FGL1: variants seen among roughly 807,000 people sequenced by gnomAD.
The protein encoded by FGL1 is fibrinogen like 1.
A neutral mutation model predicts 43.7 loss-of-function variants in FGL1; 59 were observed. The observed-to-expected ratio is 1.35, with a 90% CI of 1.10 to 1.68. The LOEUF (loss-of-function observed/expected upper bound fraction) is 1.68. Among genes scored for constraint, FGL1 ranks in the 40% most tolerant of loss-of-function variants. The pLI is 0.00. For synonymous variants in FGL1, 192 were observed against 126.5 expected (o/e 1.52, Z -3.48); for missense variants, 596 against 373.0 (o/e 1.60, Z -4.92).
chr8:17,891,081 A>C (rs560985883), intron 1 of FGL1, among the ~76,000 whole-genome samples: 1 of 152,168 alleles, frequency 6.6e-6, no homozygotes, highest in Non-Finnish European at 1.5e-5. Flanking sequence ...TTTATTGTCT[A>C]CCTACTCCAA....
intron 1 of FGL1, among the ~76,000 whole-genome samples, chr8:17,894,210 G>C (rs2053745294): frequency 6.8e-6 from 1 of 147,054 alleles, no homozygotes; most frequent in Admixed American, 6.7e-5. Context: ...TATGTTTTAA[G>C]CAAGCATTGT....
chr8:17,870,478 G>A (rs906868036), intron 5 of FGL1, among the ~76,000 whole-genome samples: 2 of 152,114 alleles, frequency 1.3e-5, no homozygotes, highest in African/African-American at 2.4e-5. Flanking sequence ...AGAATTTAGA[G>A]CCTCACTTTC....
chr8:17,882,337 C>T (rs374268085), intron 2 of FGL1, 158 bp from the exon 3 acceptor site: 6 of 567,886 alleles, frequency 1.1e-5, no homozygotes, highest in South Asian at 8.7e-5. Context: ...TCTAATACTG[C>T]CTACTATTTG....
intron 7 of FGL1, 80 bp downstream of exon 7, chr8:17,868,468 A>G: frequency 2.9e-6 from 3 of 1,035,802 alleles, no homozygotes; most frequent in East Asian, 2.6e-5. Flanking sequence ...TAACATTACC[A>G]TACATATTAT....
chr8:17,890,253 T>G (rs1265115429), intron 1 of FGL1, among the ~76,000 whole-genome samples: 2 of 152,220 alleles, frequency 1.3e-5, no homozygotes, highest in African/African-American at 4.8e-5. Flanking sequence ...TTCCAAACAA[T>G]TTTTTAGAAT....
At chr8:17,875,703 C>G (rs2053446624) in intron 3 of FGL1, among the ~76,000 whole-genome samples, 2 of 151,946 alleles carry the variant, frequency 1.3e-5, no homozygotes. Context: ...CTCCCGGGTT[C>G]AAGCGATTCT....
intron 5 of FGL1, among the ~76,000 whole-genome samples, chr8:17,872,861 G>A (rs1015710547): frequency 6.6e-6 from 1 of 152,200 alleles, no homozygotes; most frequent in African/African-American, 2.4e-5. Context: ...GAGACATCCA[G>A]ATGTCTGCTA....
chr8:17,864,578 C>T lies in FGL1; in HGVS notation c.*14G>A, dbSNP rs113320643. ...CAAAGCTGAATTGCAGAAACGAAAG[C>T]CCAACAGCAGCAATTAAATTACATT... On this transcript the variant is annotated 3_prime_UTR_variant, in exon 8 of 8. Transcript: ENST00000427924. The T allele has an allele frequency of 3.5e-3, 5,566 of 1,599,380 alleles. 15 individuals carry two copies. The highest frequency in any genetic ancestry group is 3.8e-3 in the Non-Finnish European group (4,427 of 1,175,206).
chr8:17,887,932 C>A (rs759469800), intron 1 of FGL1, among the ~76,000 whole-genome samples: 4 of 151,802 alleles, frequency 2.6e-5, no homozygotes, highest in Non-Finnish European at 5.9e-5. Context: ...AGAACTCTGG[C>A]ATTTCACTCT....
In FGL1 at chr8:17,869,019, A is replaced by T; in HGVS notation, c.503-15T>A. On this transcript the variant is annotated splice_polypyrimidine_tract_variant and intron_variant, in intron 5 of 7. Transcript: ENST00000427924. ...AGTGTAGTCTTCTAAAAAAGAAACA[A>T]GCAATTATAATTTTTAAAAATGTGT... 6.5e-7 allele frequency: 1 copy of T among 1,531,616 alleles called. No individual in the cohort carries two copies. The highest frequency in any genetic ancestry group is 1.2e-5 in the South Asian group (1 of 84,018). 94.9% of individuals were successfully genotyped at this position (1,531,616 alleles called of 1,614,324 possible).
Position 17,864,699 on chromosome 8 carries a change from T to C in FGL1, c.832A>G (p.Lys278Glu). 6.2e-7 allele frequency: 1 copy of C among 1,613,448 alleles called. No homozygotes were observed. The highest frequency in any genetic ancestry group is 1.7e-5 in the Admixed American group (1 of 59,730). Reference sequence around the variant, plus strand: ...TACCAGACAATCCCATTGTCTGTTTTAGCCGTGTAGGGGCCGCTGTAGTAT... The same window carrying C: ...TACCAGACAATCCCATTGTCTGTTTCAGCCGTGTAGGGGCCGCTGTAGTAT... ...GVYYSGPYTAKTDNGIVWYTW... is the reference protein window; with the variant it reads ...GVYYSGPYTAETDNGIVWYTW... The change falls in exon 8 of 8, where the codon AAA becomes GAA. Residue 278 changes from lysine to glutamate, a missense_variant. Physicochemically the swap from Lys to Glu is moderately conservative, Grantham distance 56 (BLOSUM62 1). Transcript: ENST00000427924.
At chr8:17,867,160 C>A (rs1205224126) in intron 7 of FGL1, among the ~76,000 whole-genome samples, 2 of 152,116 alleles carry the variant, frequency 1.3e-5, no homozygotes, top group Non-Finnish European at 2.9e-5. Context: ...GTTCTAAGAC[C>A]CCTAGTGGAT....
At chr8:17,884,947 A>G (rs964140889) in intron 2 of FGL1, among the ~76,000 whole-genome samples, 1 of 152,170 alleles carries the variant, frequency 6.6e-6, no homozygotes, top group African/African-American at 2.4e-5. Context: ...TACTATGGAC[A>G]GTTTCAAATT....
At chr8:17,887,816 C>T (rs1226178414) in intron 1 of FGL1, among the ~76,000 whole-genome samples, 1 of 142,098 alleles carries the variant, frequency 7.0e-6, no homozygotes, top group Non-Finnish European at 1.5e-5. Context: ...GCCCAGGTGA[C>T]AGTGCGAGAC....
chr8:17,870,933 C>T (rs1006820965), intron 5 of FGL1, among the ~76,000 whole-genome samples: 2 of 138,620 alleles, frequency 1.4e-5, no homozygotes, highest in Non-Finnish European at 3.2e-5. Flanking sequence ...TTTAGCCTCC[C>T]CTCAAGCTTA....
rs1212255517 is a variant in FGL1, at chr8:17,864,505, A to T, written c.*87T>A. 2 of 1,389,208 alleles carry T rather than the reference A, an allele frequency of 1.4e-6. No homozygotes were observed. The highest frequency in any genetic ancestry group is 1.9e-6 in the Non-Finnish European group (2 of 1,028,112). 86.1% of individuals were successfully genotyped at this position (1,389,208 alleles called of 1,614,324 possible). A position where few individuals can be genotyped will look rare whatever the true frequency, so the allele number is the denominator to read the frequency against. On this transcript the variant is annotated 3_prime_UTR_variant, in exon 8 of 8. Transcript: ENST00000427924. Reference sequence around the variant, plus strand: ...AGCACTACTCACAACAGTTATCATGATTGCGCATGGATATGTTCAGAATGA... The same window carrying T: ...AGCACTACTCACAACAGTTATCATGTTTGCGCATGGATATGTTCAGAATGA...
intron 1 of FGL1, among the ~76,000 whole-genome samples, chr8:17,894,815 C>T (rs1217962940): frequency 6.9e-6 from 1 of 145,938 alleles, no homozygotes; most frequent in African/African-American, 2.7e-5. Context: ...GGGTGATGCA[C>T]CTATATATCA....
At chr8:17,876,057 A>G (rs759079670) in intron 3 of FGL1, among the ~76,000 whole-genome samples, 4 of 152,174 alleles carry the variant, frequency 2.6e-5, no homozygotes, top group Non-Finnish European at 5.9e-5. Context: ...TTTTAGGATG[A>G]TTGAAGTAGT....
intron 1 of FGL1, among the ~76,000 whole-genome samples, chr8:17,888,598 T>C (rs1375791919): frequency 6.6e-6 from 1 of 152,214 alleles, no homozygotes; most frequent in Non-Finnish European, 1.5e-5. Context: ...GGTAGTTTCA[T>C]GTTTTCTTTT....
Sources: allele counts gnomAD v4.1 joint callset (sites outside exome capture counted in the v4.1 genomes callset), GRCh38; gene constraint gnomAD v4.1.1; transcripts MANE v1.5; gene names NCBI Gene and HGNC (gene_info 2026-07-23, HGNC 2026-07-21).